ABCA1: variants seen among roughly 807,000 people sequenced by gnomAD.
ABCA1 encodes the protein ATP binding cassette subfamily A member 1.
In ABCA1, 133 loss-of-function variants were observed where a neutral mutation model predicts 262.5. The observed-to-expected ratio is 0.51, with a 90% CI of 0.44 to 0.59. ABCA1 has a LOEUF of 0.59. ABCA1 is among the 20% of genes least tolerant of loss of function. ABCA1 has a pLI of 0.00. For synonymous variants in ABCA1, 1,022 were observed against 1,043.5 expected (o/e 0.98, Z 0.40); for missense variants, 2,452 against 2,777.5 (o/e 0.88, Z 2.63).
At chr9:104,914,047 C>T (rs1841680496) in intron 1 of ABCA1, among the ~76,000 whole-genome samples, 1 of 151,876 alleles carries the variant, frequency 6.6e-6, no homozygotes. Context: ...GATCCACCCG[C>T]CTCAGCCTCC....
rs1419766409 is a variant in ABCA1 at position 104,783,023 on chromosome 9, C to G, written c.*1292G>C. 6.6e-6 allele frequency: 1 copy of G among 152,482 alleles called. No individual in the cohort carries two copies. Among genetic ancestry groups the G allele is most frequent in the Non-Finnish European group, 1.5e-5 (1 of 68,002 alleles). 9.4% of individuals were successfully genotyped at this position (152,482 alleles called of 1,614,324 possible). A position where few individuals can be genotyped will look rare whatever the true frequency, so the allele number is the denominator to read the frequency against. ...TACTCTTTCAGCTACAGCATACACT[C>G]AAAAAATATTTGATTGATGAAGTGA... On this transcript the variant is annotated 3_prime_UTR_variant, in exon 50 of 50. Transcript: ENST00000374736.
intron 46 of ABCA1, among the ~76,000 whole-genome samples, chr9:104,787,429 G>A (rs1042439235): frequency 2.6e-5 from 4 of 151,684 alleles, no homozygotes; most frequent in African/African-American, 4.9e-5. Context: ...ATTCCAGACC[G>A]AGGTGGAATA....
chr9:104,893,433 A>G (rs1483349667), intron 2 of ABCA1, among the ~76,000 whole-genome samples: 3 of 116,290 alleles, frequency 2.6e-5, no homozygotes, highest in African/African-American at 1.0e-4. Flanking sequence ...AAAAAAAAAA[A>G]AAAAAAAAAA....
At chr9:104,860,501 A>C (rs1755003444) in intron 6 of ABCA1, among the ~76,000 whole-genome samples, 1 of 152,200 alleles carries the variant, frequency 6.6e-6, no homozygotes, top group Admixed American at 6.5e-5. Context: ...TTCAAGAATA[A>C]ACATTTCCAC....
At chr9:104,919,865 TC>T (rs1002316435) in intron 1 of ABCA1, among the ~76,000 whole-genome samples, 1 of 152,202 alleles carries the variant, frequency 6.6e-6, no homozygotes, top group African/African-American at 2.4e-5. Context: ...CAGCTTCCTC[TC>T]CTCCCTCTCA....
At chr9:104,862,465 C>A (rs1381850621) in intron 5 of ABCA1, among the ~76,000 whole-genome samples, 1 of 152,006 alleles carries the variant, frequency 6.6e-6, no homozygotes, top group Admixed American at 6.5e-5. Flanking sequence ...CTAGTCCGTT[C>A]ATTCCTGTCT....
In ABCA1 at chr9:104,892,199, T is replaced by C. The variant is rs558740767; in HGVS notation, c.67-3004A>G. Among the ~76,000 whole-genome samples, 11 of 152,002 alleles carry C rather than the reference T, an allele frequency of 7.2e-5. No homozygotes were observed. In the South Asian group the frequency reaches 2.3e-3, roughly 32 times the overall value. ...ACAGTGGAGTACTCAAGACCAAAGA[T>C]GGGGCTGGTCTTGCTAATATTTCTG... On this transcript the variant is annotated intron_variant, in intron 2 of 49. Coordinates refer to ENST00000374736, the MANE Select transcript of ABCA1 (RefSeq NM_005502.4).
intron 7 of ABCA1, chr9:104,855,856 G>A (rs1370036609): frequency 1.1e-5 from 17 of 1,612,238 alleles, no homozygotes; most frequent in Non-Finnish European, 1.4e-5. Context: ...GGAGGCCCAG[G>A]AGAAACTCAC....
intron 4 of ABCA1, among the ~76,000 whole-genome samples, 174 bp downstream of exon 4, chr9:104,884,253 A>T (rs1838957253): frequency 6.6e-6 from 1 of 152,176 alleles, no homozygotes; most frequent in Non-Finnish European, 1.5e-5. Context: ...GGATACCCCA[A>T]ATACCCCAAA....
chr9:104,813,413 CT>C (rs1049985314), intron 27 of ABCA1, among the ~76,000 whole-genome samples: 1 of 151,628 alleles, frequency 6.6e-6, no homozygotes, highest in Non-Finnish European at 1.5e-5. Context: ...ATATCTAATT[CT>C]TTTTTTTTCT....
intron 2 of ABCA1, among the ~76,000 whole-genome samples, chr9:104,896,674 G>A (rs1281068185): frequency 7.9e-6 from 1 of 127,154 alleles, no homozygotes; most frequent in Admixed American, 9.2e-5. Flanking sequence ...CATATCAAAT[G>A]ACCAAATGAA....
At chr9:104,917,009 C>T (rs923187663) in intron 1 of ABCA1, among the ~76,000 whole-genome samples, 1 of 152,158 alleles carries the variant, frequency 6.6e-6, no homozygotes, top group African/African-American at 2.4e-5. Flanking sequence ...TATTTTCTCC[C>T]ACATTGCTGG....
chr9:104,882,316 T>C (rs1032109630), intron 5 of ABCA1, among the ~76,000 whole-genome samples: 11 of 152,222 alleles, frequency 7.2e-5, no homozygotes, highest in African/African-American at 2.4e-4. Context: ...GGCTTCATTA[T>C]TGCTTCTACA....
intron 8 of ABCA1, among the ~76,000 whole-genome samples, chr9:104,844,452 G>C (rs1320134497): frequency 6.6e-6 from 1 of 152,056 alleles, no homozygotes; most frequent in African/African-American, 2.4e-5. Context: ...AACAGGACAG[G>C]AAGAAATACA....
At chr9:104,886,089 C>T (rs1034783546) in intron 3 of ABCA1, among the ~76,000 whole-genome samples, 1 of 152,142 alleles carries the variant, frequency 6.6e-6, no homozygotes, top group Non-Finnish European at 1.5e-5. Context: ...TTGCAGAGTG[C>T]CTGGTGTAGG....
Position 104,903,602 on chromosome 9 carries a change from A to G in ABCA1, c.66+12T>C. On this transcript the variant is annotated intron_variant, in intron 2 of 49. Transcript: ENST00000374736. ...TGAGAGAACCCCCCGCTGCTGAAAA[A>G]CCCAAGCTTACTGTTTGTCTTCTTC... 1 of 1,579,944 alleles carries G rather than the reference A, an allele frequency of 6.3e-7. No individual in the cohort carries two copies. The highest frequency in any genetic ancestry group is 1.2e-5 in the South Asian group (1 of 86,400).
intron 2 of ABCA1, among the ~76,000 whole-genome samples, chr9:104,895,185 G>A (rs1320742933): frequency 6.6e-6 from 1 of 152,208 alleles, no homozygotes; most frequent in Non-Finnish European, 1.5e-5. Context: ...CCCATGGGGT[G>A]GGAAGATGGG....
Position 104,799,862 on chromosome 9 carries a change from G to C in ABCA1, c.4900C>G (p.His1634Asp). Reference sequence around the variant, plus strand: ...TGCTGCTTGGTGAGATTCAGGGGATGATTGAAAGCAGTAATTCCATAATGG... The same window carrying C: ...TGCTGCTTGGTGAGATTCAGGGGATCATTGAAAGCAGTAATTCCATAATGG... The part of the protein sequence containing the change: ...PSHYGITAFN[H>D]PLNLTKQQLS... Residue 1634 changes from histidine (H) to aspartate (D), a missense_variant, in exon 36 of 50, where the codon CAT (histidine) becomes GAT (aspartate). By Grantham distance (81) the His-to-Asp change is moderately conservative. Transcript: ENST00000374736. 1 of 1,614,194 alleles carries C rather than the reference G, an allele frequency of 6.2e-7. No individual in the cohort carries two copies.
At chr9:104,802,230 G>A (rs757785843) in intron 33 of ABCA1, 71 bp from the exon 34 acceptor site, 28 of 1,369,980 alleles carry the variant, frequency 2.0e-5, no homozygotes, top group Admixed American at 1.0e-4. Context: ...GACTCAGTGC[G>A]AGTGTGTACA....
Sources: allele counts gnomAD v4.1 joint callset (sites outside exome capture counted in the v4.1 genomes callset), GRCh38; gene constraint gnomAD v4.1.1; transcripts MANE v1.5; gene names NCBI Gene and HGNC (gene_info 2026-07-23, HGNC 2026-07-21).